Variants in GSAP observed in about 807,000 individuals in gnomAD.
GSAP encodes the protein gamma-secretase-activating protein.
A neutral mutation model predicts 131.7 loss-of-function variants in GSAP; 118 were observed. The ratio of observed to expected loss-of-function variants is 0.90; its 90% CI spans 0.77 to 1.04. The LOEUF (loss-of-function observed/expected upper bound fraction) is 1.04. GSAP is among the 50% of genes least tolerant of loss of function. GSAP has a pLI of 0.00. For synonymous variants in GSAP, 381 were observed against 363.4 expected (o/e 1.05, Z -0.55); for missense variants, 1,019 against 1,013.2 (o/e 1.01, Z -0.08).
intron 1 of GSAP, among the ~76,000 whole-genome samples, chr7:77,408,689 CAA>C (rs749202124): frequency 0.21 from 13,794 of 66,986 alleles, 475 homozygotes; most frequent in African/African-American, 0.29. Context: ...ACTCTGCCTC[CAA>C]AAAAAAAAAA....
chr7:77,377,016 G>T (rs921292239), intron 9 of GSAP, 109 bp from the exon 10 acceptor site: 20 of 696,388 alleles, frequency 2.9e-5, no homozygotes, highest in Non-Finnish European at 4.9e-5. Flanking sequence ...AATGATTAGT[G>T]AACTGCAGTA....
chr7:77,397,262 T>C (rs1800568418), intron 4 of GSAP, 84 bp downstream of exon 4: 1 of 892,482 alleles, frequency 1.1e-6, no homozygotes, highest in South Asian at 1.5e-5. Context: ...ATAGAATAAT[T>C]TAATACTGCA....
chr7:77,404,717 G>C (rs1801946145), intron 2 of GSAP, 102 bp from the exon 3 acceptor site: 1 of 704,192 alleles, frequency 1.4e-6, no homozygotes, highest in Non-Finnish European at 2.6e-6. Context: ...TTAGCAGTAA[G>C]CACTCTAAAA....
At chr7:77,397,873 A>AG (rs1220186518) in intron 3 of GSAP, among the ~76,000 whole-genome samples, 8 of 152,228 alleles carry the variant, frequency 5.3e-5, no homozygotes, top group African/African-American at 1.9e-4. Flanking sequence ...TATTGTAATT[A>AG]CTGAGGTAAT....
chr7:77,357,534 G>A (rs548828150), intron 14 of GSAP, among the ~76,000 whole-genome samples: 101 of 152,234 alleles, frequency 6.6e-4, no homozygotes, highest in African/African-American at 2.4e-3. Context: ...TCTAGTCAGG[G>A]GTGTCCAATC....
chr7:77,401,334 T>A (rs1488828571), intron 3 of GSAP, among the ~76,000 whole-genome samples: 2 of 149,146 alleles, frequency 1.3e-5, no homozygotes, highest in South Asian at 4.3e-4. Flanking sequence ...AAGAAAAAAA[T>A]TTTTTCAAAA....
At chr7:77,409,153 A>C (rs1393974596) in intron 1 of GSAP, among the ~76,000 whole-genome samples, 2 of 152,156 alleles carry the variant, frequency 1.3e-5, no homozygotes, top group African/African-American at 4.8e-5. Flanking sequence ...TAATAAGGAT[A>C]ATAATTTGGT....
chr7:77,391,125 CAAAAAAAAAAAAA>C (rs3083869), intron 5 of GSAP, among the ~76,000 whole-genome samples: 2 of 65,110 alleles, frequency 3.1e-5, no homozygotes, highest in South Asian at 5.5e-4. Context: ...GGCTCCGTCT[CAAAAAAAAAAAAA>C]AAAAAAAAAG....
intron 23 of GSAP, among the ~76,000 whole-genome samples, chr7:77,325,182 T>G (rs1363751808): frequency 1.3e-5 from 2 of 152,200 alleles, no homozygotes; most frequent in African/African-American, 4.8e-5. Context: ...AATTATTTCC[T>G]TCTTGTATAT....
rs755806263 is a variant in GSAP at position 77,353,590 on chromosome 7, T to G, written c.1390A>C (p.Ile464Leu). 4.3e-6 allele frequency: 7 copies of G among 1,609,562 alleles called. No homozygotes were observed. The highest frequency in any genetic ancestry group is 5.1e-6 in the Non-Finnish European group (6 of 1,176,530). Residue 464 changes from isoleucine (I) to leucine (L), a missense_variant, in exon 17 of 31, where the codon ATT becomes CTT. Transcript: ENST00000257626. ...NVSACHSFDL[I>L]QEFIIASSYW... is the part of the protein sequence containing the mutation. ...CACTTACCAATTATAAATTCCTGAA[T>G]GAGGTCAAATGAATGGCAGGCAGAG...
At chr7:77,413,839 C>T (rs78105129) in intron 1 of GSAP, among the ~76,000 whole-genome samples, 1,567 of 137,832 alleles carry the variant, frequency 0.011, 23 homozygotes, top group African/African-American at 0.04. Context: ...GTAGTGGATA[C>T]ACGGTTTTAC....
chr7:77,345,954 A>G (rs1791743386), intron 19 of GSAP, among the ~76,000 whole-genome samples: 1 of 152,130 alleles, frequency 6.6e-6, no homozygotes, highest in Non-Finnish European at 1.5e-5. Context: ...CCTTTCACCC[A>G]ATGTTACCTC....
At chr7:77,340,645 C>G in intron 19 of GSAP, among the ~76,000 whole-genome samples, 1 of 152,198 alleles carries the variant, frequency 6.6e-6, no homozygotes, top group East Asian at 1.9e-4. Context: ...CCCAAAACTC[C>G]GGCGCCAGTC....
In GSAP at chr7:77,374,086, AAC is replaced by A. The variant is rs1404369836; in HGVS notation, c.853_854del (p.Val285PhefsTer31). The A allele has an allele frequency of 2.5e-6, 4 of 1,574,346 alleles. No individual in the cohort carries two copies. The highest frequency in any genetic ancestry group is 2.3e-5 in the East Asian group (1 of 44,398). On this transcript the variant is annotated frameshift_variant, in exon 12 of 31. Transcript: ENST00000257626. LOFTEE classifies it high-confidence loss of function. ...CTAGTTTACCTGTATGGTTGGTAAA[AAC>A]ACACAGAGTCAGGTGTTTGGAAAAT... ...DKFSKHLTLC[V>X]FTNHTGSLCV...
Position 77,382,570 on chromosome 7 carries a change from T to C in GSAP, c.526+4A>G, listed in dbSNP as rs1242767861. On this transcript the variant is annotated splice_donor_region_variant and intron_variant, in intron 7 of 30. Transcript: ENST00000257626. ...TCCCATATTCCACCTAAAGATACACTTACATTTCTCTTCTGAAATCAGTAA... is the reference window on the plus strand; with the variant it reads ...TCCCATATTCCACCTAAAGATACACCTACATTTCTCTTCTGAAATCAGTAA... 2 of 1,473,070 alleles carry C rather than the reference T, an allele frequency of 1.4e-6. No homozygotes were observed. The highest frequency in any genetic ancestry group is 2.3e-5 in the South Asian group (2 of 88,052). The allele number at this position is 1,473,070 out of a possible 1,614,324, so 91.2% of individuals were successfully genotyped here. A position where few individuals can be genotyped will look rare whatever the true frequency, so the allele number is the denominator to read the frequency against.
At chr7:77,359,007 A>C (rs896677679) in intron 14 of GSAP, among the ~76,000 whole-genome samples, 4 of 152,200 alleles carry the variant, frequency 2.6e-5, no homozygotes, top group African/African-American at 9.7e-5. Context: ...CAAGATGGTG[A>C]AACATCGCCT....
chr7:77,352,987 A>G lies in GSAP; in HGVS notation c.1448T>C (p.Met483Thr). ...TGAGGAATGTGGCAATAGTTTGTCC[A>G]TGTTACTTGTCTCTGAATATACACT... ...YWSVYSETSN[M>T]DKLLPHSSVL... Residue 483 changes from methionine to threonine, a missense_variant, in exon 18 of 31, where the codon ATG becomes ACG. Coordinates refer to ENST00000257626, the MANE Select transcript of GSAP (RefSeq NM_017439.4). 1 of 1,608,404 alleles carries G rather than the reference A, an allele frequency of 6.2e-7. No homozygotes were observed. The highest frequency in any genetic ancestry group is 8.5e-7 in the Non-Finnish European group (1 of 1,174,956).
chr7:77,314,592 G>C (rs1007127128), intron 26 of GSAP, 103 bp from the exon 27 acceptor site: 1 of 1,268,028 alleles, frequency 7.9e-7, no homozygotes, highest in Non-Finnish European at 1.1e-6. Context: ...TTCAGTGCTT[G>C]GTGCCTGGAA....
chr7:77,335,146 TC>T (rs964406959), intron 19 of GSAP, among the ~76,000 whole-genome samples: 22 of 151,238 alleles, frequency 1.5e-4, no homozygotes, highest in African/African-American at 4.9e-4. Context: ...ACACCTGCAA[TC>T]CCAGCACTTT....
Sources: allele counts gnomAD v4.1 joint callset (sites outside exome capture counted in the v4.1 genomes callset), GRCh38; gene constraint gnomAD v4.1.1; transcripts MANE v1.5; gene names NCBI Gene and HGNC (gene_info 2026-07-23, HGNC 2026-07-21).